The following ARHGAP26 variants were observed in gnomAD, a reference collection of about 807,000 sequenced individuals.
ARHGAP26 encodes rho GTPase-activating protein 26.
ARHGAP26 carries 38 observed loss-of-function variants against 104.8 expected under a neutral mutation model. The observed-to-expected ratio is 0.36, with a 90% confidence interval of 0.28 to 0.48. The LOEUF (loss-of-function observed/expected upper bound fraction) is 0.48, where lower values mean the gene tolerates loss of function less well. Among genes scored for constraint, ARHGAP26 ranks in the 20% least tolerant of loss-of-function variants. The probability of loss-of-function intolerance (pLI) is 0.99; values close to 1 mark genes in which losing one functional copy is unlikely to be tolerated. For missense variants in ARHGAP26, 704 were observed against 947.9 expected, an observed-to-expected ratio of 0.74 and a Z score of 3.38; for synonymous variants, 341 against 340.0, an observed-to-expected ratio of 1.00 and a Z score of -0.03.
intron 21 of ARHGAP26, among the ~76,000 whole-genome samples, chr5:143,208,943 C>T (rs999545634): frequency 1.1e-4 from 16 of 152,062 alleles, no homozygotes; most frequent in Admixed American, 8.5e-4. Flanking sequence ...TTCTAAGATA[C>T]CAGAAATAGC....
intron 1 of ARHGAP26, among the ~76,000 whole-genome samples, chr5:142,772,540 A>G (rs1236270365): frequency 6.6e-6 from 1 of 152,148 alleles, no homozygotes; most frequent in Non-Finnish European, 1.5e-5. Context: ...AGGAGTGAAT[A>G]TTTTGCTGCT....
At chr5:142,815,979 TG>T (rs1178931985) in intron 1 of ARHGAP26, among the ~76,000 whole-genome samples, 1 of 151,692 alleles carries the variant, frequency 6.6e-6, no homozygotes, top group African/African-American at 2.4e-5. Flanking sequence ...TTTTAATTTT[TG>T]TAGAGATGAG....
At chr5:143,066,119 A>G (rs1467798951) in intron 17 of ARHGAP26, among the ~76,000 whole-genome samples, 1 of 152,114 alleles carries the variant, frequency 6.6e-6, no homozygotes, top group African/African-American at 2.4e-5. Context: ...TTTTTACTCT[A>G]TAGTTTCTAT....
chr5:143,156,505 C>T (rs1800477673), intron 20 of ARHGAP26, among the ~76,000 whole-genome samples: 1 of 152,198 alleles, frequency 6.6e-6, no homozygotes, highest in Non-Finnish European at 1.5e-5. Context: ...TCTCAGGCCT[C>T]ACCCTAGACC....
chr5:143,158,682 A>G (rs1478229092), intron 20 of ARHGAP26, among the ~76,000 whole-genome samples: 1 of 152,226 alleles, frequency 6.6e-6, no homozygotes, highest in Non-Finnish European at 1.5e-5. Flanking sequence ...AGTTCTCACT[A>G]AGACATTGCT....
intron 11 of ARHGAP26, among the ~76,000 whole-genome samples, chr5:142,939,725 G>T (rs1210273582): frequency 3.3e-5 from 5 of 152,200 alleles, no homozygotes. Context: ...CTGCTTATTG[G>T]CAGTCTCAAA....
At chr5:143,028,164 C>T (rs1012562707) in intron 12 of ARHGAP26, among the ~76,000 whole-genome samples, 4 of 152,008 alleles carry the variant, frequency 2.6e-5, no homozygotes, top group South Asian at 4.2e-4. Context: ...CTACAAAATA[C>T]GGATGATGAT....
chr5:143,016,135 A>G (rs909080713), intron 12 of ARHGAP26, among the ~76,000 whole-genome samples: 1 of 152,260 alleles, frequency 6.6e-6, no homozygotes, highest in Non-Finnish European at 1.5e-5. Flanking sequence ...GGCTGGATCT[A>G]TTTGCAGAAA....
intron 1 of ARHGAP26, among the ~76,000 whole-genome samples, chr5:142,828,088 T>C (rs1767654056): frequency 6.6e-6 from 1 of 152,212 alleles, no homozygotes; most frequent in Non-Finnish European, 1.5e-5. Context: ...TTTGTGAGTT[T>C]CCCTGGATCA....
chr5:142,999,640 G>A (rs981146064), intron 11 of ARHGAP26, among the ~76,000 whole-genome samples: 1 of 151,914 alleles, frequency 6.6e-6, no homozygotes, highest in East Asian at 1.9e-4. Flanking sequence ...TATCAAGGTA[G>A]GTTATAAACA....
intron 6 of ARHGAP26, among the ~76,000 whole-genome samples, chr5:142,901,526 A>G (rs1245864144): frequency 1.3e-5 from 2 of 152,174 alleles, no homozygotes; most frequent in Non-Finnish European, 2.9e-5. Context: ...AATGTACTAG[A>G]GGGAAACTGA....
intron 5 of ARHGAP26, among the ~76,000 whole-genome samples, chr5:142,888,785 C>T (rs1758076912): frequency 1.3e-5 from 2 of 152,216 alleles, no homozygotes; most frequent in Admixed American, 6.5e-5. Flanking sequence ...CTGGACGCTT[C>T]TGTAAAAGTC....
intron 20 of ARHGAP26, among the ~76,000 whole-genome samples, chr5:143,148,262 G>A (rs1277305678): frequency 1.3e-5 from 2 of 152,182 alleles, no homozygotes; most frequent in Non-Finnish European, 2.9e-5. Flanking sequence ...GGAGACGCTA[G>A]CATGGCGGTG....
intron 8 of ARHGAP26, among the ~76,000 whole-genome samples, chr5:142,904,266 G>A (rs1760784292): frequency 6.6e-6 from 1 of 151,960 alleles, no homozygotes; most frequent in South Asian, 2.1e-4. Flanking sequence ...TGAGGTCGGT[G>A]GATTGCTTGA....
At chr5:143,001,235 A>G (rs1306966151) in intron 11 of ARHGAP26, among the ~76,000 whole-genome samples, 1 of 152,182 alleles carries the variant, frequency 6.6e-6, no homozygotes, top group Non-Finnish European at 1.5e-5. Context: ...TGATGTTTCT[A>G]TCTTGATAGA....
intron 11 of ARHGAP26, among the ~76,000 whole-genome samples, chr5:142,963,432 C>T (rs1054114433): frequency 1.9e-4 from 29 of 151,758 alleles, no homozygotes; most frequent in African/African-American, 5.6e-4. Context: ...GAGGAATTGC[C>T]GTACTGCTTT....
chr5:142,862,676 A>T (rs1453273515), intron 1 of ARHGAP26, among the ~76,000 whole-genome samples: 3 of 152,192 alleles, frequency 2.0e-5, no homozygotes, highest in Non-Finnish European at 4.4e-5. Flanking sequence ...GAGGCAGAGC[A>T]GTCCTTCCCA....
intron 20 of ARHGAP26, among the ~76,000 whole-genome samples, chr5:143,188,317 A>C (rs551001819): frequency 6.6e-6 from 1 of 152,216 alleles, no homozygotes; most frequent in Non-Finnish European, 1.5e-5. Context: ...CAGAACCACA[A>C]GGCCAGAGCA....
intron 17 of ARHGAP26, among the ~76,000 whole-genome samples, chr5:143,090,560 A>G (rs547308096): frequency 6.6e-6 from 1 of 152,326 alleles, no homozygotes; most frequent in South Asian, 2.1e-4. Context: ...AACGCATTTC[A>G]AATAATCTAA....
Sources: gnomAD v4.1 joint callset for allele counts (sites outside exome capture counted in the v4.1 genomes callset) on GRCh38, gnomAD v4.1.1 for gene constraint, MANE v1.5 for transcripts, NCBI Gene and HGNC (gene_info 2026-07-23, HGNC 2026-07-21) for gene names.